The following MEI1 variants were observed in gnomAD, a reference collection of about 807,000 sequenced individuals.
MEI1 encodes the protein meiosis inhibitor protein 1.
A neutral mutation model predicts 146.2 loss-of-function variants in MEI1; 103 were observed. The ratio of observed to expected loss-of-function variants is 0.70; its 90% confidence interval spans 0.60 to 0.83. The LOEUF is 0.83. Ranked by LOEUF, MEI1 falls within the 40% of genes least tolerant of loss-of-function variation. MEI1 has a pLI of 0.00. For missense variants in MEI1, 1,529 were observed against 1,533.0 expected (o/e 1.00, Z 0.04); for synonymous variants, 652 against 628.2 (o/e 1.04, Z -0.57).
Position 41,749,932 on chromosome 22 carries a change from A to G in MEI1, c.1792+1714A>G, listed in dbSNP as rs71329112. Among the ~76,000 whole-genome samples the G allele has an allele frequency of 8.9e-3, 1,358 of 152,262 alleles. 8 individuals are homozygous for G. Among genetic ancestry groups the G allele is most frequent in the Non-Finnish European group, 0.014 (945 of 68,010 alleles). ...GTAGAGGGTATGGTCAGTTTGGGTC[A>G]GGGTGAAAGTGAGATGTTCCAGTGA... On this transcript the variant is annotated intron_variant, in intron 15 of 30. Coordinates refer to ENST00000401548, the MANE Select transcript of MEI1 (RefSeq NM_152513.4).
intron 15 of MEI1, 68 bp from the exon 16 acceptor site, chr22:41,752,523 C>A: frequency 7.1e-7 from 1 of 1,400,292 alleles, no homozygotes; most frequent in Non-Finnish European, 9.9e-7. Flanking sequence ...TGATACCACC[C>A]AGGCTTGGGA....
At chr22:41,717,506 C>T (rs1203552459) in intron 5 of MEI1, among the ~76,000 whole-genome samples, 1 of 152,070 alleles carries the variant, frequency 6.6e-6, no homozygotes, top group Non-Finnish European at 1.5e-5. Context: ...CTATGTAGAG[C>T]AGGTTGGTCT....
chr22:41,772,402 G>C (rs900623151), intron 20 of MEI1, among the ~76,000 whole-genome samples: 14 of 152,192 alleles, frequency 9.2e-5, no homozygotes, highest in Middle Eastern at 3.4e-3. Flanking sequence ...CAGTACTTTG[G>C]GAGGCCGAGC....
At chr22:41,782,491 G>A (rs571193551) in intron 24 of MEI1, among the ~76,000 whole-genome samples, 26 of 152,286 alleles carry the variant, frequency 1.7e-4, no homozygotes, top group African/African-American at 6.3e-4. Context: ...CCTCCCTCTT[G>A]TAGGGCCTTG....
intron 7 of MEI1, among the ~76,000 whole-genome samples, chr22:41,725,135 A>G (rs889470916): frequency 2.6e-4 from 39 of 148,430 alleles, no homozygotes; most frequent in African/African-American, 9.0e-4. Context: ...TTTTTTTGAG[A>G]TGTAGTCTCG....
intron 28 of MEI1, 98 bp downstream of exon 28, chr22:41,794,575 TAAAG>T (rs1471596110): frequency 2.0e-6 from 2 of 991,894 alleles, no homozygotes; most frequent in Non-Finnish European, 3.1e-6. Context: ...CCCTAATCCT[TAAAG>T]AAGGTGGAAG....
intron 26 of MEI1, among the ~76,000 whole-genome samples, chr22:41,790,374 C>T (rs879753364): frequency 2.6e-5 from 4 of 152,088 alleles, no homozygotes; most frequent in Admixed American, 6.5e-5. Context: ...TGTGAGCCAC[C>T]GCACCCGGTC....
intron 3 of MEI1, among the ~76,000 whole-genome samples, chr22:41,713,417 T>C (rs1313901078): frequency 1.3e-5 from 2 of 151,418 alleles, no homozygotes; most frequent in Non-Finnish European, 2.9e-5. Context: ...CAGTGAGCTA[T>C]GATCACACCA....
Position 41,699,594 on chromosome 22 carries a change from A to C in MEI1, c.56A>C (p.Glu19Ala), listed in dbSNP as rs368711924. The C allele has an allele frequency of 2.5e-6, 4 of 1,612,628 alleles. No homozygotes were observed. In the African/African-American group the frequency reaches 5.3e-5, roughly 22 times the overall value. The change falls in exon 1 of 31, where the codon GAG becomes GCG. Residue 19 changes from glutamate to alanine, a missense_variant. By Grantham distance (107) the Glu-to-Ala change is moderately radical. Coordinates refer to ENST00000401548, the MANE Select transcript of MEI1 (RefSeq NM_152513.4). ...ACTCCCGGGCCCAGGAGAGAGGAAG[A>C]GGCGGCGCTTCTATTCGAGAGGGCC... ...AGTPGPRREE[E>A]AALLFERAHY...
In MEI1 at chr22:41,795,269, C is replaced by A; in HGVS notation, c.3535-142C>A. 9.0e-7 allele frequency: 1 copy of A among 1,111,530 alleles called. No individual in the cohort carries two copies. The highest frequency in any genetic ancestry group is 1.3e-6 in the Non-Finnish European group (1 of 774,386). The allele number at this position is 1,111,530 out of a possible 1,614,324, so 68.9% of individuals were successfully genotyped here. ...TCCCCATGACACAGTCCCACCTCTG[C>A]CCACTAACTCTGAGCTCCTTGAAGG... On this transcript the variant is annotated intron_variant, in intron 28 of 30. Coordinates refer to ENST00000401548, the MANE Select transcript of MEI1 (RefSeq NM_152513.4). This position sits in a 1 kb window ranked among gnomAD's most constrained non-coding sequence, Gnocchi z 4.2.
intron 7 of MEI1, among the ~76,000 whole-genome samples, chr22:41,729,164 C>CA (rs386395490): frequency 0.041 from 3,086 of 75,046 alleles, 330 homozygotes; most frequent in African/African-American, 0.12. Flanking sequence ...GACTCCGTCT[C>CA]AAAAAAAAAA....
intron 1 of MEI1, among the ~76,000 whole-genome samples, chr22:41,701,093 CT>C: frequency 6.6e-6 from 1 of 152,054 alleles, no homozygotes; most frequent in Non-Finnish European, 1.5e-5. Flanking sequence ...GCATGCGTCA[CT>C]ACGCCCAGCT....
chr22:41,713,978 A>G lies in MEI1; in HGVS notation c.350-24A>G, dbSNP rs753806829. On this transcript the variant is annotated intron_variant, in intron 3 of 30. Transcript: ENST00000401548. ...TCTGGGTTGGGGGTGCCTCCTGGTTAGTAATACTGTTGTGTCTGTTCAGTC... is the reference window on the plus strand; with the variant it reads ...TCTGGGTTGGGGGTGCCTCCTGGTTGGTAATACTGTTGTGTCTGTTCAGTC... 2.6e-6 allele frequency: 4 copies of G among 1,564,606 alleles called. No individual in the cohort carries two copies. In the South Asian group the frequency reaches 4.7e-5, roughly 18 times the overall value.
At chr22:41,771,047 C>A in intron 20 of MEI1, 86 bp downstream of exon 20, 1 of 1,448,748 alleles carries the variant, frequency 6.9e-7, no homozygotes, top group Non-Finnish European at 9.4e-7. Flanking sequence ...AGGAGGCACC[C>A]ACATCTGCTT....
At chr22:41,753,015 C>G (rs2073871654) in intron 16 of MEI1, among the ~76,000 whole-genome samples, 1 of 151,276 alleles carries the variant, frequency 6.6e-6, no homozygotes, top group African/African-American at 2.4e-5. Context: ...ACCCTGGTCT[C>G]TACAATTTTT....
intron 11 of MEI1, among the ~76,000 whole-genome samples, chr22:41,741,996 C>G (rs1469052081): frequency 6.7e-6 from 1 of 149,342 alleles, no homozygotes; most frequent in Non-Finnish European, 1.5e-5. Flanking sequence ...TGCAGTGGCT[C>G]ATGCCTGTAA....
intron 11 of MEI1, among the ~76,000 whole-genome samples, chr22:41,734,364 G>T (rs1235422012): frequency 6.6e-6 from 1 of 151,904 alleles, no homozygotes. Flanking sequence ...AGGCTGAGGC[G>T]GGCCAATTAC....
intron 21 of MEI1, among the ~76,000 whole-genome samples, chr22:41,776,608 G>A (rs1435415677): frequency 1.3e-5 from 2 of 152,108 alleles, no homozygotes; most frequent in African/African-American, 4.8e-5. Flanking sequence ...GAGGATGGAG[G>A]CAGCAGCAGT....
chr22:41,772,707 G>C (rs1183134119), intron 20 of MEI1, among the ~76,000 whole-genome samples: 2 of 152,102 alleles, frequency 1.3e-5, no homozygotes, highest in African/African-American at 4.8e-5. Context: ...TTAAAACCCA[G>C]ATTTGACTCC....
Sources: allele counts gnomAD v4.1 joint callset (sites outside exome capture counted in the v4.1 genomes callset), GRCh38; gene constraint gnomAD v4.1.1; non-coding constraint Gnocchi (gnomAD v3.1); transcripts MANE v1.5; gene names NCBI Gene and HGNC (gene_info 2026-07-23, HGNC 2026-07-21).